The following CDH23 variants were observed in gnomAD, a reference collection of about 807,000 sequenced individuals.
CDH23 encodes the protein cadherin related 23.
In CDH23, 189 loss-of-function variants were observed where a neutral mutation model predicts 317.1. That is an observed-to-expected ratio of 0.60 (90% CI 0.53 to 0.67). The LOEUF (loss-of-function observed/expected upper bound fraction) is 0.67, where lower values mean the gene tolerates loss of function less well. CDH23 is among the 30% of genes least tolerant of loss of function. The pLI is 0.00. For missense variants in CDH23, 4,401 were observed against 4,592.4 expected (o/e 0.96, Z 1.20); for synonymous variants, 1,839 against 1,876.8 (o/e 0.98, Z 0.52).
At chr10:71,759,781 C>A (rs1174866450) in intron 38 of CDH23, among the ~76,000 whole-genome samples, 1 of 149,982 alleles carries the variant, frequency 6.7e-6, no homozygotes, top group Admixed American at 6.7e-5. Context: ...CACTGCACTC[C>A]AGCCTGGGTA....
At chr10:71,630,801 T>C (rs1861973524) in intron 11 of CDH23, among the ~76,000 whole-genome samples, 1 of 152,160 alleles carries the variant, frequency 6.6e-6, no homozygotes, top group Admixed American at 6.5e-5. Flanking sequence ...CGATGGCCGA[T>C]CTCAAGCTAC....
chr10:71,677,074 T>G (rs1019546461), intron 15 of CDH23, among the ~76,000 whole-genome samples: 3 of 152,162 alleles, frequency 2.0e-5, no homozygotes, highest in Non-Finnish European at 2.9e-5. Context: ...CACCAGCTGC[T>G]TTCTGCCCAT....
rs1839488999 is a variant in CDH23 at position 71,734,307 on chromosome 10, C to T, written c.4172C>T (p.Ala1391Val). 8 of 1,611,756 alleles carry T rather than the reference C, an allele frequency of 5.0e-6. No homozygotes were observed. The highest frequency in any genetic ancestry group is 6.8e-6 in the Non-Finnish European group (8 of 1,178,998). ...KGDFYTLTVV[A>V]DDGGPKVDST... ...GACTTCTATACCTTGACAGTGGTGG[C>T]AGATGACGGCGGCCCCAAGGTGGAC... is the stretch of plus-strand genomic sequence containing the variant. The change falls in exon 33 of 70, where the codon GCA (alanine) becomes GTA (valine). Residue 1391 changes from alanine to valine, a missense_variant. By Grantham distance (64) the Ala-to-Val change is moderately conservative. Coordinates refer to ENST00000224721, the MANE Select transcript of CDH23 (RefSeq NM_022124.6).
chr10:71,532,751 A>G (rs1855473452), intron 6 of CDH23, among the ~76,000 whole-genome samples: 1 of 113,860 alleles, frequency 8.8e-6, no homozygotes, highest in Non-Finnish European at 1.9e-5. Context: ...TTTTTTTGAG[A>G]CGGAGTATCA....
At chr10:71,518,476 CTG>C (rs1021982638) in intron 6 of CDH23, among the ~76,000 whole-genome samples, 1 of 152,194 alleles carries the variant, frequency 6.6e-6, no homozygotes, top group Non-Finnish European at 1.5e-5. Context: ...AGTGGAGAAA[CTG>C]TACTCAGAGC....
chr10:71,596,076 G>T (rs139854816), intron 9 of CDH23, among the ~76,000 whole-genome samples: 1 of 152,030 alleles, frequency 6.6e-6, no homozygotes, highest in African/African-American at 2.4e-5. Flanking sequence ...CAAGGGTGGC[G>T]CCTTCTGCCT....
chr10:71,609,995 T>TGTGTGAGAGA (rs3222215), intron 9 of CDH23, among the ~76,000 whole-genome samples: 32 of 140,930 alleles, frequency 2.3e-4, no homozygotes, highest in African/African-American at 7.9e-4. Flanking sequence ...TGTGTGTGTG[T>TGTGTGAGAGA]GAGAGAGACA....
At chr10:71,792,595 C>T (rs1564796062) in intron 47 of CDH23, among the ~76,000 whole-genome samples, 2 of 151,302 alleles carry the variant, frequency 1.3e-5, no homozygotes, top group East Asian at 3.9e-4. Context: ...GAGGCTGAGG[C>T]AGGTGGATCA....
intron 6 of CDH23, among the ~76,000 whole-genome samples, chr10:71,564,745 C>T (rs1365975439): frequency 1.3e-5 from 2 of 152,194 alleles, no homozygotes; most frequent in Non-Finnish European, 2.9e-5. Flanking sequence ...AAGTGAGGGC[C>T]GGCTACCCTG....
At chr10:71,719,627 C>A in intron 28 of CDH23, 1 of 153,066 alleles carries the variant, frequency 6.5e-6, no homozygotes, top group Non-Finnish European at 1.5e-5. Context: ...AAGCACTGAC[C>A]TCAGAGCCAG....
intron 46 of CDH23, chr10:71,790,924 A>C (rs1841233750): frequency 3.3e-6 from 2 of 597,340 alleles, no homozygotes; most frequent in East Asian, 5.6e-5. Flanking sequence ...CAGAGGGGAC[A>C]ACCACAGGAA....
chr10:71,546,348 A>G (rs10823781), intron 6 of CDH23, among the ~76,000 whole-genome samples: 13,649 of 152,244 alleles, frequency 0.09, 883 homozygotes, highest in East Asian at 0.29. Context: ...TGGCTCCTCT[A>G]TACCAGGCAG....
chr10:71,570,521 A>T (rs1857719318), intron 7 of CDH23, among the ~76,000 whole-genome samples: 1 of 152,164 alleles, frequency 6.6e-6, no homozygotes, highest in Non-Finnish European at 1.5e-5. Flanking sequence ...GCTTTGTAAC[A>T]CTGGATAAGC....
At chr10:71,784,753 C>T in intron 42 of CDH23, 138 bp from the exon 43 acceptor site, 1 of 686,196 alleles carries the variant, frequency 1.5e-6, no homozygotes, top group South Asian at 1.7e-5. Flanking sequence ...TTCTTCCTCT[C>T]CCCTTTTCTC....
chr10:71,403,401 TTC>T (rs1189454565), intron 1 of CDH23, among the ~76,000 whole-genome samples: 3 of 82,204 alleles, frequency 3.6e-5, no homozygotes, highest in Non-Finnish European at 6.8e-5. Flanking sequence ...CTTTCTTTCT[TTC>T]TTTCTCTTCC....
At chr10:71,405,361 G>A (rs921945908) in intron 1 of CDH23, among the ~76,000 whole-genome samples, 3 of 152,022 alleles carry the variant, frequency 2.0e-5, no homozygotes, top group Admixed American at 2.0e-4. Flanking sequence ...GGAACTCTGG[G>A]CTAGACCTTT....
chr10:71,406,702 C>A (rs1035544460), intron 1 of CDH23, among the ~76,000 whole-genome samples: 1 of 152,218 alleles, frequency 6.6e-6, no homozygotes, highest in Non-Finnish European at 1.5e-5. Context: ...ATGTTAGCAA[C>A]GAATTTAATA....
intron 28 of CDH23, among the ~76,000 whole-genome samples, chr10:71,720,337 G>T (rs1346651589): frequency 6.6e-6 from 1 of 152,004 alleles, no homozygotes; most frequent in Admixed American, 6.5e-5. Flanking sequence ...AGGGCAGAAA[G>T]CATAGGACTG....
At chr10:71,638,865 C>G (rs1324648446) in intron 11 of CDH23, among the ~76,000 whole-genome samples, 1 of 152,300 alleles carries the variant, frequency 6.6e-6, no homozygotes, top group Non-Finnish European at 1.5e-5. Context: ...AGCTACCCCC[C>G]ACTTCCAGGA....
Sources: gnomAD v4.1 joint callset for allele counts (sites outside exome capture counted in the v4.1 genomes callset) on GRCh38, gnomAD v4.1.1 for gene constraint, MANE v1.5 for transcripts, NCBI Gene and HGNC (gene_info 2026-07-23, HGNC 2026-07-21) for gene names.